CCDC187: variants seen among roughly 807,000 people sequenced by gnomAD.
CCDC187 encodes the protein coiled-coil domain-containing protein 187.
In CCDC187, 32 loss-of-function variants were observed where a neutral mutation model predicts 38.0. That is an observed-to-expected ratio of 0.84 (90% CI 0.64 to 1.13). The LOEUF (loss-of-function observed/expected upper bound fraction) is 1.13. Ranked by LOEUF, CCDC187 falls within the 50% of genes most tolerant of loss-of-function variation. The pLI is 0.00. For missense variants in CCDC187, 707 were observed against 786.8 expected, an observed-to-expected ratio of 0.90 and a Z score of 1.21; for synonymous variants, 333 against 347.9, an observed-to-expected ratio of 0.96 and a Z score of 0.48.
intron 6 of CCDC187, 147 bp downstream of exon 6, chr9:136,290,339 G>T: frequency 5.0e-6 from 2 of 397,738 alleles, no homozygotes. Flanking sequence ...GGCAGTGGCA[G>T]CGACGCCACG....
Position 136,267,400 on chromosome 9 carries a change from GCCAGGCCAGCT to G in CCDC187, c.3620_3630del (p.Glu1207AlafsTer22). On this transcript the variant is annotated frameshift_variant, in exon 16 of 26. Coordinates refer to ENST00000638797, the MANE Select transcript of CCDC187 (RefSeq NM_001378188.1). LOFTEE classifies it high-confidence loss of function. ...TGCGCTCACCCTCGTCGATGCTCCAGCCAGGCCAGCTCCGCGAGCGTTTTCTCCTGGAGCGC... is the reference window on the plus strand; with the variant it reads ...TGCGCTCACCCTCGTCGATGCTCCAGCCGCGAGCGTTTTCTCCTGGAGCGC... The G allele has an allele frequency of 1.0e-6, 1 of 985,544 alleles. No individual in the cohort carries two copies. The highest frequency in any genetic ancestry group is 1.2e-6 in the Non-Finnish European group (1 of 830,036). The allele number at this position is 985,544 out of a possible 1,614,324, so 61.0% of individuals were successfully genotyped here. A position where few individuals can be genotyped will look rare whatever the true frequency, so the allele number is the denominator to read the frequency against.
intron 15 of CCDC187, 105 bp from the exon 16 acceptor site, chr9:136,267,616 C>T (rs1224216190): frequency 1.6e-5 from 16 of 985,506 alleles, no homozygotes; most frequent in Non-Finnish European, 1.9e-5. Context: ...GCTTCTAGAC[C>T]GCTCCCAGCA....
upstream of CCDC187, among the ~76,000 whole-genome samples, chr9:136,305,738 A>G (rs1831792786): frequency 6.6e-6 from 1 of 152,220 alleles, no homozygotes; most frequent in South Asian, 2.1e-4. Flanking sequence ...GTGACTGGGA[A>G]CAAAATCATG....
chr9:136,296,341 G>A (rs1554766028), intron 4 of CCDC187: 41,772 of 152,184 alleles, frequency 0.27, 5,815 homozygotes, highest in East Asian at 0.36. Flanking sequence ...TCTCCAAAAC[G>A]CTGTGGTTCG....
chr9:136,258,769 G>A lies in CCDC187; in HGVS notation c.4366+163C>T, dbSNP rs901149205. The A allele has an allele frequency of 6.1e-6, 6 of 985,298 alleles. No individual in the cohort carries two copies. In the African/African-American group the frequency reaches 1.0e-4, roughly 17 times the overall value. 61.0% of individuals were successfully genotyped at this position (985,298 alleles called of 1,614,324 possible). A position where few individuals can be genotyped will look rare whatever the true frequency, so the allele number is the denominator to read the frequency against. On this transcript the variant is annotated intron_variant, in intron 22 of 25. Transcript: ENST00000638797. The surrounding 1 kb of genome is among the most constrained non-coding windows in gnomAD (Gnocchi z 4.3). ...GGAGATGGAGCCGGCCACTCTTCTT[G>A]CAGTGAAGGGGTCTGAGGCCAGGGT...
chr9:136,286,278 A>AAGCGTGGGGGTGGCG lies in CCDC187; in HGVS notation c.2625_2639dup (p.Thr879_Pro883dup), dbSNP rs1189247950. The AAGCGTGGGGGTGGCG allele has an allele frequency of 6.8e-5, 27 of 398,526 alleles. No individual in the cohort carries two copies. Among genetic ancestry groups the AAGCGTGGGGGTGGCG allele is most frequent in the Admixed American group, 1.8e-4 (4 of 22,718 alleles). 24.7% of individuals were successfully genotyped at this position (398,526 alleles called of 1,614,324 possible). On this transcript the variant is annotated inframe_insertion, in exon 8 of 26. Transcript: ENST00000638797. Reference sequence around the variant, plus strand: ...AGGCTCCAGGGCAGGCTGGGGTGGCAAGCGTGGGGGTGGCGAGCGTGGGGG... The same window carrying AAGCGTGGGGGTGGCG: ...AGGCTCCAGGGCAGGCTGGGGTGGCAAGCGTGGGGGTGGCGAGCGTGGGGGTGGCGAGCGTGGGGG...
intron 5 of CCDC187, 99 bp downstream of exon 5, chr9:136,292,062 T>C: frequency 2.5e-6 from 1 of 398,152 alleles, no homozygotes; most frequent in Non-Finnish European, 4.4e-6. Flanking sequence ...CAACACCTCT[T>C]CCTTCCAGGC....
intron 14 of CCDC187, among the ~76,000 whole-genome samples, chr9:136,269,505 G>A (rs937012714): frequency 2.4e-4 from 36 of 152,092 alleles, no homozygotes; most frequent in Non-Finnish European, 2.9e-5. Context: ...AAAATTAGCT[G>A]GGCGTGGTGG....
chr9:136,279,986 C>T (rs892822105), intron 10 of CCDC187, among the ~76,000 whole-genome samples: 4 of 152,380 alleles, frequency 2.6e-5, no homozygotes, highest in Admixed American at 1.3e-4. Flanking sequence ...CAGACACCGG[C>T]ATCTTGTTCT....
At position 136,291,234 on chromosome 9, in the gene CCDC187, G is replaced by A. The variant is rs1036316414; in HGVS notation, c.1379C>T (p.Pro460Leu). 19 of 398,816 alleles carry A rather than the reference G, an allele frequency of 4.8e-5. No homozygotes were observed. Among genetic ancestry groups the A allele is most frequent in the South Asian group, 2.5e-4 (2 of 7,864 alleles). 24.7% of individuals were successfully genotyped at this position (398,816 alleles called of 1,614,324 possible). A position where few individuals can be genotyped will look rare whatever the true frequency, so the allele number is the denominator to read the frequency against. The change falls in exon 6 of 26, where the codon CCG (proline) becomes CTG (leucine). Residue 460 changes from proline to leucine, a missense_variant. Physicochemically the swap from Pro to Leu is moderately conservative, Grantham distance 98. Transcript: ENST00000638797. ...TCCTTGGGCCCCCCAGGCCCTCTGC[G>A]GACAGGACTCCCGTGCAGTGGAGGA... ...WSSSTARESC[P>L]QRAWGAQGQD...
intron 6 of CCDC187, among the ~76,000 whole-genome samples, 167 bp downstream of exon 6, chr9:136,290,319 G>C (rs1307694791): frequency 6.6e-6 from 1 of 152,100 alleles, no homozygotes; most frequent in African/African-American, 2.4e-5. Flanking sequence ...AGAAGCTCTG[G>C]CTTTCTACAG....
intron 14 of CCDC187, among the ~76,000 whole-genome samples, chr9:136,273,733 C>G (rs1158344956): frequency 6.6e-5 from 10 of 152,262 alleles, no homozygotes; most frequent in African/African-American, 2.4e-4. Context: ...CACCCACTGA[C>G]GTAGACTGTC....
In CCDC187 at chr9:136,304,074, A is replaced by C. The variant is rs993245186; in HGVS notation, c.-244T>G. 1 of 152,064 alleles carries C rather than the reference A, an allele frequency of 6.6e-6. No individual in the cohort carries two copies. Among genetic ancestry groups the C allele is most frequent in the African/African-American group, 2.4e-5 (1 of 41,372 alleles). 9.4% of individuals were successfully genotyped at this position (152,064 alleles called of 1,614,324 possible). ...TGGGCAGCCCGGCCCTGGGCTGGCC[A>C]CAGCTGGGGGCCTTCCTAATGAGCT... is the stretch of plus-strand genomic sequence containing the variant. On this transcript the variant is annotated 5_prime_UTR_variant, in exon 1 of 26. Transcript: ENST00000638797.
At position 136,255,743 on chromosome 9, in the gene CCDC187, C is replaced by T; in HGVS notation, c.4617-10G>A. ...CTGACAGGCCTCCGTCCTGCAAGCA[C>T]ATTCGTGGAGAACCCTGTGGGGATC... On this transcript the variant is annotated splice_polypyrimidine_tract_variant and intron_variant, in intron 24 of 25. Coordinates refer to ENST00000638797, the MANE Select transcript of CCDC187 (RefSeq NM_001378188.1). The T allele has an allele frequency of 1.0e-6, 1 of 985,200 alleles. No individual in the cohort carries two copies. Among genetic ancestry groups the T allele is most frequent in the South Asian group, 4.7e-5 (1 of 21,294 alleles). The allele number at this position is 985,200 out of a possible 1,614,324, so 61.0% of individuals were successfully genotyped here. A position where few individuals can be genotyped will look rare whatever the true frequency, so the allele number is the denominator to read the frequency against.
chr9:136,253,811 A>T lies in CCDC187; in HGVS notation c.6017T>A (p.Ile2006Asn). The T allele has an allele frequency of 3.0e-6, 3 of 985,450 alleles. No individual in the cohort carries two copies. The highest frequency in any genetic ancestry group is 2.4e-6 in the Non-Finnish European group (2 of 829,938). 61.0% of individuals were successfully genotyped at this position (985,450 alleles called of 1,614,324 possible). A position where few individuals can be genotyped will look rare whatever the true frequency, so the allele number is the denominator to read the frequency against. The change falls in exon 26 of 26, where the codon ATC (isoleucine) becomes AAC (asparagine). Residue 2006 changes from isoleucine to asparagine, a missense_variant. Physicochemically the swap from Ile to Asn is moderately radical, Grantham distance 149. Transcript: ENST00000638797. The stretch of plus-strand genomic sequence containing the variant: ...TGGGGGTAGGGGGGCCTCCCTGTGG[A>T]TGGAGGACGGGAGGTCGGCACTGCC... ...SYGSADLPSS[I>N]HREAPLPPPP... is the part of the protein sequence containing the mutation.
chr9:136,263,036 G>A (rs1426055509), intron 18 of CCDC187, among the ~76,000 whole-genome samples: 4 of 151,972 alleles, frequency 2.6e-5, no homozygotes, highest in Non-Finnish European at 5.9e-5. Flanking sequence ...TCTCCTTCCT[G>A]CCTGGGTCCC....
chr9:136,306,089 A>G (rs1252246813), upstream of CCDC187, among the ~76,000 whole-genome samples: 1 of 152,172 alleles, frequency 6.6e-6, no homozygotes, highest in Non-Finnish European at 1.5e-5. Context: ...GCTACTCTGC[A>G]TGGGGTGGAC....
chr9:136,285,298 C>A (rs934504960), intron 9 of CCDC187, among the ~76,000 whole-genome samples: 1 of 152,138 alleles, frequency 6.6e-6, no homozygotes, highest in Non-Finnish European at 1.5e-5. Flanking sequence ...GTGTCTGACG[C>A]GGGGCTTCCC....
intron 10 of CCDC187, among the ~76,000 whole-genome samples, chr9:136,280,762 C>G (rs1831022975): frequency 6.6e-6 from 1 of 152,194 alleles, no homozygotes; most frequent in South Asian, 2.1e-4. Flanking sequence ...ACACCTGGGG[C>G]TCCGCCCACT....
Sources: gnomAD v4.1 joint callset for allele counts (sites outside exome capture counted in the v4.1 genomes callset) on GRCh38, gnomAD v4.1.1 for gene constraint, Gnocchi (gnomAD v3.1) non-coding constraint, MANE v1.5 for transcripts, NCBI Gene and HGNC (gene_info 2026-07-23, HGNC 2026-07-21) for gene names.